SMG6: variants seen among roughly 807,000 people sequenced by gnomAD.
SMG6 encodes the protein SMG6 nonsense mediated mRNA decay factor, also known as telomerase-binding protein EST1A.
A neutral mutation model predicts 142.2 loss-of-function variants in SMG6; 66 were observed. The observed-to-expected ratio is 0.46, with a 90% CI of 0.38 to 0.57. The LOEUF (loss-of-function observed/expected upper bound fraction) is 0.57, where lower values mean the gene tolerates loss of function less well. Ranked by LOEUF, SMG6 falls within the 20% of genes least tolerant of loss-of-function variation. The pLI is 0.00. For missense variants in SMG6, 1,793 were observed against 1,832.0 expected (o/e 0.98, Z 0.39); for synonymous variants, 779 against 702.4 (o/e 1.11, Z -1.72).
chr17:2,101,893 T>C (rs1221688066), intron 13 of SMG6, among the ~76,000 whole-genome samples: 1 of 152,204 alleles, frequency 6.6e-6, no homozygotes, highest in African/African-American at 2.4e-5. Context: ...ATCCAGAACA[T>C]TCACAGGTGT....
At chr17:2,101,832 C>A (rs929909358) in intron 13 of SMG6, among the ~76,000 whole-genome samples, 3 of 152,228 alleles carry the variant, frequency 2.0e-5, no homozygotes, top group Non-Finnish European at 4.4e-5. Context: ...TCAGGAAATG[C>A]AGCCAGTAAC....
chr17:2,293,388 G>A (rs2075081501), intron 4 of SMG6, among the ~76,000 whole-genome samples: 1 of 152,166 alleles, frequency 6.6e-6, no homozygotes, highest in East Asian at 1.9e-4. Flanking sequence ...AGGGTAACTG[G>A]AGGAAATAAA....
In SMG6 at chr17:2,248,917, T is replaced by C. The variant is rs556682659; in HGVS notation, c.2662-4198A>G. 3.7e-4 allele frequency among the ~76,000 whole-genome samples: 56 copies of C among 152,090 alleles called. No homozygotes were observed. In the South Asian group the frequency reaches 8.1e-3, roughly 22 times the overall value. On this transcript the variant is annotated intron_variant, in intron 8 of 18. Transcript: ENST00000263073. The stretch of plus-strand genomic sequence containing the variant: ...TTTTTTTTTTTTTGAGACAGAGTCT[T>C]GCTCTTTCACCCAGGCTGGAGTGCA...
rs1455813027 is a variant in SMG6, at chr17:2,236,401, G to A, written c.2869+91C>T. On this transcript the variant is annotated intron_variant, in intron 10 of 18. Coordinates refer to ENST00000263073, the MANE Select transcript of SMG6 (RefSeq NM_017575.5). The stretch of plus-strand genomic sequence containing the variant: ...TGTGTTCGGGGGTGGGGTGGGGGGA[G>A]GTAGGTATGGTAGGTATGGTAACAC... 3 of 1,316,880 alleles carry A rather than the reference G, an allele frequency of 2.3e-6. No individual in the cohort carries two copies. In the African/African-American group the frequency reaches 4.4e-5, roughly 19 times the overall value. 81.6% of individuals were successfully genotyped at this position (1,316,880 alleles called of 1,614,324 possible). A position where few individuals can be genotyped will look rare whatever the true frequency, so the allele number is the denominator to read the frequency against.
At chr17:2,172,993 C>T in intron 12 of SMG6, 134 bp from the exon 13 acceptor site, 4 of 825,544 alleles carry the variant, frequency 4.8e-6, no homozygotes, top group Non-Finnish European at 7.7e-6. Context: ...AATCATACCC[C>T]AAAAATGCTA....
chr17:2,077,897 T>C (rs2068304963), intron 15 of SMG6, among the ~76,000 whole-genome samples: 1 of 152,170 alleles, frequency 6.6e-6, no homozygotes, highest in Non-Finnish European at 1.5e-5. Flanking sequence ...CAATGTCATA[T>C]AACTAGTAAG....
chr17:2,254,853 A>C (rs960644295), intron 8 of SMG6, among the ~76,000 whole-genome samples: 30 of 152,206 alleles, frequency 2.0e-4, no homozygotes, highest in Non-Finnish European at 5.9e-5. Flanking sequence ...GAAGGCTAGG[A>C]TGCTGTGGAA....
At chr17:2,238,371 C>G (rs1254955371) in intron 9 of SMG6, among the ~76,000 whole-genome samples, 1 of 150,540 alleles carries the variant, frequency 6.6e-6, no homozygotes, top group African/African-American at 2.4e-5. Context: ...TTTTTTTTCT[C>G]TAAAAAATTT....
intron 6 of SMG6, among the ~76,000 whole-genome samples, chr17:2,285,127 T>C (rs535533865): frequency 2.6e-5 from 4 of 152,342 alleles, no homozygotes; most frequent in South Asian, 4.1e-4. Context: ...TCACTGTCTA[T>C]ACAGCTCACT....
rs72234069 is a variant in SMG6, at chr17:2,219,803, CAA to C, written c.2869+16687_2869+16688del. On this transcript the variant is annotated intron_variant, in intron 10 of 18. Transcript: ENST00000263073. ...GGTGACACAGAACAAGACCCTTTAT[CAA>C]AAAAAAAAAAAAAAAAGAAAAGAAA... Among the ~76,000 whole-genome samples, 314 of 118,058 alleles carry C rather than the reference CAA, an allele frequency of 2.7e-3. 2 individuals carry two copies. The highest frequency in any genetic ancestry group is 0.017 in the Middle Eastern group (4 of 242). The allele number at this position is 118,058 out of a possible 152,430, so 77.5% of individuals were successfully genotyped here. A position where few individuals can be genotyped will look rare whatever the true frequency, so the allele number is the denominator to read the frequency against.
chr17:2,069,296 C>A (rs1437186848), intron 15 of SMG6, among the ~76,000 whole-genome samples: 1 of 152,096 alleles, frequency 6.6e-6, no homozygotes, highest in African/African-American at 2.4e-5. Flanking sequence ...AGAAAGCCTA[C>A]AGAGGAGGTA....
Position 2,282,770 on chromosome 17 carries a change from A to C in SMG6, c.2538T>G (p.Val846=). Residue 846 remains valine, a synonymous_variant, in exon 8 of 19, where the codon GTT becomes GTG. Coordinates refer to ENST00000263073, the MANE Select transcript of SMG6 (RefSeq NM_017575.5). ...TCTCCAGGCGAGTGGTGTCATCTCCAACATGCCGGAAAGTAGACTTCTTTC... is the reference window on the plus strand; with the variant it reads ...TCTCCAGGCGAGTGGTGTCATCTCCCACATGCCGGAAAGTAGACTTCTTTC... ...RKGKKSTFRH[V]GDDTTRLEIW... is the part of the protein sequence containing the mutation. The C allele has an allele frequency of 6.2e-7, 1 of 1,614,218 alleles. No homozygotes were observed. The highest frequency in any genetic ancestry group is 8.5e-7 in the Non-Finnish European group (1 of 1,180,042).
chr17:2,077,745 T>G (rs989298503), intron 15 of SMG6, among the ~76,000 whole-genome samples: 3 of 152,204 alleles, frequency 2.0e-5, no homozygotes, highest in African/African-American at 7.2e-5. Flanking sequence ...CTGCACACCA[T>G]AGCCTTGTAC....
intron 8 of SMG6, among the ~76,000 whole-genome samples, chr17:2,259,321 G>A (rs1436980288): frequency 6.6e-6 from 1 of 151,992 alleles, no homozygotes; most frequent in Admixed American, 6.6e-5. Context: ...CCCTCAAATA[G>A]TATCAGTAAG....
At chr17:2,268,868 C>T (rs901010095) in intron 8 of SMG6, among the ~76,000 whole-genome samples, 1 of 150,226 alleles carries the variant, frequency 6.7e-6, no homozygotes, top group African/African-American at 2.5e-5. Context: ...GCTGAGATCA[C>T]GCCAGTGCAC....
chr17:2,085,597 C>G lies in SMG6; in HGVS notation c.3534+128G>C, dbSNP rs2068538693. 1 of 951,334 alleles carries G rather than the reference C, an allele frequency of 1.1e-6. No homozygotes were observed. The highest frequency in any genetic ancestry group is 1.6e-6 in the Non-Finnish European group (1 of 632,106). 58.9% of individuals were successfully genotyped at this position (951,334 alleles called of 1,614,324 possible). ...ACCATCAGAGCACACTCTCGAGAAG[C>G]TGGCTGGTCACATTAACACAGACGC... On this transcript the variant is annotated intron_variant, in intron 14 of 18. Coordinates refer to ENST00000263073, the MANE Select transcript of SMG6 (RefSeq NM_017575.5). The surrounding 1 kb of genome is among the most constrained non-coding windows in gnomAD (Gnocchi z 4.1).
At chr17:2,271,387 A>G (rs2074540046) in intron 8 of SMG6, among the ~76,000 whole-genome samples, 1 of 150,624 alleles carries the variant, frequency 6.6e-6, no homozygotes. Flanking sequence ...CACCATGCCC[A>G]GCCAAGTCCA....
chr17:2,080,907 T>C (rs931418716), intron 15 of SMG6, among the ~76,000 whole-genome samples: 1 of 152,222 alleles, frequency 6.6e-6, no homozygotes, highest in Non-Finnish European at 1.5e-5. Flanking sequence ...AGTGCTGGGA[T>C]GACAGGCGTG....
intron 9 of SMG6, among the ~76,000 whole-genome samples, chr17:2,239,050 G>A (rs1333766536): frequency 6.6e-6 from 1 of 152,108 alleles, no homozygotes; most frequent in Non-Finnish European, 1.5e-5. Context: ...TTCCAGTTTT[G>A]TAACCAAAAT....
Sources: gnomAD v4.1 joint callset for allele counts (sites outside exome capture counted in the v4.1 genomes callset) on GRCh38, gnomAD v4.1.1 for gene constraint, Gnocchi (gnomAD v3.1) non-coding constraint, MANE v1.5 for transcripts, NCBI Gene and HGNC (gene_info 2026-07-23, HGNC 2026-07-21) for gene names.